Variants in LRMDA observed in about 807,000 individuals in gnomAD.
LRMDA encodes the protein leucine rich melanocyte differentiation associated.
Under a neutral mutation model 29.8 loss-of-function variants are expected in LRMDA, and 18 were observed. The observed-to-expected ratio is 0.60, with a 90% CI of 0.42 to 0.90. LRMDA has a LOEUF of 0.90. Among genes scored for constraint, LRMDA ranks in the 40% least tolerant of loss-of-function variants. The probability of loss-of-function intolerance (pLI) is 0.00; values close to 1 mark genes in which losing one functional copy is unlikely to be tolerated. For synonymous variants in LRMDA, 125 were observed against 109.4 expected (o/e 1.14, Z -0.89); for missense variants, 273 against 273.9 (o/e 1.00, Z 0.02).
intron 2 of LRMDA, among the ~76,000 whole-genome samples, chr10:75,577,286 A>G (rs1056539502): frequency 2.6e-5 from 4 of 152,216 alleles, no homozygotes; most frequent in Middle Eastern, 3.2e-3. Flanking sequence ...AAGAAAGGAT[A>G]TCAGAGATTG....
rs557768020 is a variant in LRMDA at position 76,272,509 on chromosome 10, T to C, written c.517-51892T>C. On this transcript the variant is annotated intron_variant, in intron 5 of 6. Coordinates refer to ENST00000611255, the MANE Select transcript of LRMDA (RefSeq NM_001305581.2). The stretch of plus-strand genomic sequence containing the variant: ...GTTTGGAAAATGCATTAAATTCGGT[T>C]TACCTCTTAGGCATTAACAAGATAC... Among the ~76,000 whole-genome samples, 74 of 152,312 alleles carry C rather than the reference T, an allele frequency of 4.9e-4. 1 individual carries two copies. The South Asian group carries it at 0.011, about 22-fold the overall frequency.
At chr10:75,659,557 T>C (rs1841723125) in intron 2 of LRMDA, among the ~76,000 whole-genome samples, 1 of 152,206 alleles carries the variant, frequency 6.6e-6, no homozygotes, top group African/African-American at 2.4e-5. Flanking sequence ...TGAAAGACTG[T>C]ATTATCTCAC....
chr10:75,845,812 C>T (rs1488830644), intron 2 of LRMDA, among the ~76,000 whole-genome samples: 8 of 152,222 alleles, frequency 5.3e-5, no homozygotes, highest in East Asian at 1.9e-4. Context: ...GGGCCCTCTG[C>T]GTTGCATCCT....
In LRMDA at chr10:75,678,167, AACATAT is replaced by A. The variant is rs975242219; in HGVS notation, c.131+239683_131+239688del. On this transcript the variant is annotated intron_variant, in intron 2 of 6. Coordinates refer to ENST00000611255, the MANE Select transcript of LRMDA (RefSeq NM_001305581.2). ...GCACATACCTGCACGTATATAGCTAAACATATACATATACACACACCATAATTTATT... is the reference window on the plus strand; with the variant it reads ...GCACATACCTGCACGTATATAGCTAAACATATACACACACCATAATTTATT... Among the ~76,000 whole-genome samples the A allele has an allele frequency of 1.1e-4, 16 of 152,314 alleles. No homozygotes were observed. In the South Asian group the frequency reaches 2.1e-3, roughly 20 times the overall value.
At chr10:75,936,482 T>A (rs1320459055) in intron 2 of LRMDA, among the ~76,000 whole-genome samples, 2 of 152,192 alleles carry the variant, frequency 1.3e-5, no homozygotes, top group East Asian at 3.8e-4. Context: ...TCTATTTGTA[T>A]ATACAAATAC....
chr10:76,283,974 T>C (rs1413175040), intron 5 of LRMDA, among the ~76,000 whole-genome samples: 1 of 152,196 alleles, frequency 6.6e-6, no homozygotes, highest in African/African-American at 2.4e-5. Flanking sequence ...TTTCTTGTTT[T>C]ACTGCTGTTA....
intron 2 of LRMDA, among the ~76,000 whole-genome samples, chr10:75,853,436 GTGT>G (rs1844767410): frequency 2.0e-5 from 1 of 50,910 alleles, no homozygotes; most frequent in African/African-American, 6.5e-5. Context: ...GAAGAGGGGT[GTGT>G]GTGTGTGTGT....
intron 4 of LRMDA, among the ~76,000 whole-genome samples, chr10:76,052,711 A>G (rs1011655359): frequency 3.3e-5 from 5 of 152,212 alleles, no homozygotes; most frequent in African/African-American, 1.2e-4. Context: ...TCTCAGATTT[A>G]GGAAATCTGT....
chr10:76,264,741 C>T (rs138685525), intron 5 of LRMDA, among the ~76,000 whole-genome samples: 17 of 152,184 alleles, frequency 1.1e-4, no homozygotes, highest in African/African-American at 3.9e-4. Context: ...TTTTCAGGCA[C>T]CTTTGTGAAA....
rs755318042 is a variant in LRMDA, at chr10:75,960,469, A to G, written c.132-75539A>G. On this transcript the variant is annotated intron_variant, in intron 2 of 6. Coordinates refer to ENST00000611255, the MANE Select transcript of LRMDA (RefSeq NM_001305581.2). ...GAGAGAATCACTTGGAAAGGTTTGA[A>G]GGCAGAAACCAACCTCAGGCACTAG... Among the ~76,000 whole-genome samples the G allele has an allele frequency of 5.9e-5, 9 of 152,226 alleles. No individual in the cohort carries two copies. In the East Asian group the frequency reaches 1.5e-3, roughly 26 times the overall value.
chr10:76,213,414 G>C (rs1851671449), intron 5 of LRMDA, among the ~76,000 whole-genome samples: 1 of 152,206 alleles, frequency 6.6e-6, no homozygotes, highest in South Asian at 2.1e-4. Context: ...ATCTCTGTTA[G>C]TTGTAATCTC....
chr10:75,485,293 T>A (rs960879721), intron 2 of LRMDA, among the ~76,000 whole-genome samples: 10 of 152,234 alleles, frequency 6.6e-5, no homozygotes, highest in African/African-American at 2.4e-4. Flanking sequence ...GGGTTCTATA[T>A]ACAGTCACAT....
At chr10:76,143,750 A>G (rs1204416883) in intron 5 of LRMDA, among the ~76,000 whole-genome samples, 5 of 152,030 alleles carry the variant, frequency 3.3e-5, no homozygotes, top group Admixed American at 1.3e-4. Flanking sequence ...TGGGGTTTTA[A>G]ACATGAAGTC....
chr10:76,353,731 A>C (rs914348188), intron 6 of LRMDA, among the ~76,000 whole-genome samples: 1 of 152,128 alleles, frequency 6.6e-6, no homozygotes, highest in Non-Finnish European at 1.5e-5. Context: ...TTCCTGCTCC[A>C]GATGAAAGCT....
At chr10:75,525,916 GT>G (rs762503677) in intron 2 of LRMDA, among the ~76,000 whole-genome samples, 85 of 151,170 alleles carry the variant, frequency 5.6e-4, no homozygotes, top group Non-Finnish European at 9.6e-4. Context: ...TTATTACATG[GT>G]TTTCTTTCAT....
Position 76,557,303 on chromosome 10 carries a change from T to A in LRMDA, c.*15T>A. ...ACCAGCTCTGAAGCCAACTTCTGTA[T>A]ACCTTCACCCATTTCATGAAAATAA... On this transcript the variant is annotated 3_prime_UTR_variant, in exon 7 of 7. Transcript: ENST00000611255. 1 of 1,587,564 alleles carries A rather than the reference T, an allele frequency of 6.3e-7. No individual in the cohort carries two copies. Among genetic ancestry groups the A allele is most frequent in the Non-Finnish European group, 8.7e-7 (1 of 1,155,984 alleles).
chr10:75,657,684 G>A (rs779121612), intron 2 of LRMDA, among the ~76,000 whole-genome samples: 2 of 152,266 alleles, frequency 1.3e-5, no homozygotes, highest in Non-Finnish European at 2.9e-5. Context: ...ATATAGTAGT[G>A]GAAATGGCAT....
chr10:75,538,367 C>T (rs943702534), intron 2 of LRMDA, among the ~76,000 whole-genome samples: 2 of 152,118 alleles, frequency 1.3e-5, no homozygotes, highest in South Asian at 2.1e-4. Flanking sequence ...CATCCTCTAC[C>T]GCATTTCACA....
chr10:75,847,843 G>T (rs1385296773), intron 2 of LRMDA, among the ~76,000 whole-genome samples: 1 of 152,066 alleles, frequency 6.6e-6, no homozygotes, highest in African/African-American at 2.4e-5. Flanking sequence ...ATAAGAGAAA[G>T]AAAATAAAAA....
Sources: allele counts gnomAD v4.1 joint callset (sites outside exome capture counted in the v4.1 genomes callset), GRCh38; gene constraint gnomAD v4.1.1; transcripts MANE v1.5; gene names NCBI Gene and HGNC (gene_info 2026-07-23, HGNC 2026-07-21).